The following PTPRR variants were observed in gnomAD, a reference collection of about 807,000 sequenced individuals.
PTPRR encodes the protein protein tyrosine phosphatase receptor type R.
Under a neutral mutation model 77.2 loss-of-function variants are expected in PTPRR, and 38 were observed. That is an observed-to-expected ratio of 0.49 (90% CI 0.38 to 0.65). The LOEUF (loss-of-function observed/expected upper bound fraction) is 0.65, where lower values mean the gene tolerates loss of function less well. Among genes scored for constraint, PTPRR ranks in the 30% least tolerant of loss-of-function variants. The pLI is 0.00. For missense variants in PTPRR, 744 were observed against 799.2 expected, an observed-to-expected ratio of 0.93 and a Z score of 0.83; for synonymous variants, 299 against 283.1, an observed-to-expected ratio of 1.06 and a Z score of -0.57.
At chr12:70,702,609 A>T (rs1391985948) in intron 6 of PTPRR, among the ~76,000 whole-genome samples, 1 of 152,190 alleles carries the variant, frequency 6.6e-6, no homozygotes, top group Non-Finnish European at 1.5e-5. Context: ...AAATCCATTA[A>T]CGAAAATCTA....
At chr12:70,779,876 A>T (rs2136996152) in intron 2 of PTPRR, among the ~76,000 whole-genome samples, 1 of 152,344 alleles carries the variant, frequency 6.6e-6, no homozygotes, top group South Asian at 2.1e-4. Context: ...AAAAACACAC[A>T]GAATTGATTT....
intron 2 of PTPRR, among the ~76,000 whole-genome samples, chr12:70,888,440 AT>A (rs1893279291): frequency 6.6e-6 from 1 of 151,980 alleles, no homozygotes; most frequent in South Asian, 2.1e-4. Context: ...CCATTTGTAA[AT>A]TTGCATGCAT....
intron 10 of PTPRR, among the ~76,000 whole-genome samples, chr12:70,678,092 G>A (rs536807964): frequency 3.7e-4 from 57 of 152,230 alleles, no homozygotes; most frequent in African/African-American, 1.2e-3. Flanking sequence ...CCAGGCTGGA[G>A]TACAGTGGCA....
intron 2 of PTPRR, among the ~76,000 whole-genome samples, chr12:70,863,873 T>C (rs936438620): frequency 1.3e-5 from 2 of 152,184 alleles, no homozygotes; most frequent in Non-Finnish European, 2.9e-5. Context: ...CTTGGTTGCC[T>C]GTGATCTTGA....
At chr12:70,640,495 C>A (rs1169243336) in intron 13 of PTPRR, among the ~76,000 whole-genome samples, 1 of 152,122 alleles carries the variant, frequency 6.6e-6, no homozygotes, top group Non-Finnish European at 1.5e-5. Context: ...TTTAGCTTGA[C>A]AAAGTTACCA....
At chr12:70,667,547 C>T (rs1887057379) in intron 10 of PTPRR, among the ~76,000 whole-genome samples, 1 of 152,146 alleles carries the variant, frequency 6.6e-6, no homozygotes, top group African/African-American at 2.4e-5. Context: ...TCTCCACCAA[C>T]ATGATGGCCC....
intron 2 of PTPRR, among the ~76,000 whole-genome samples, chr12:70,864,054 T>G (rs985291603): frequency 6.6e-6 from 1 of 152,176 alleles, no homozygotes; most frequent in Non-Finnish European, 1.5e-5. Context: ...GGTAATTTTG[T>G]AGACATCCAA....
At chr12:70,865,182 G>C (rs1422350330) in intron 2 of PTPRR, among the ~76,000 whole-genome samples, 2 of 152,062 alleles carry the variant, frequency 1.3e-5, no homozygotes, top group African/African-American at 4.8e-5. Context: ...CTGTCGCCAT[G>C]TAAGACGTGC....
rs578044865 is a variant in PTPRR, at chr12:70,680,078, C to T, written c.1497+4049G>A. On this transcript the variant is annotated intron_variant, in intron 10 of 13. Coordinates refer to ENST00000283228, the MANE Select transcript of PTPRR (RefSeq NM_002849.4). ...TGTAATTTTTTTCTTTGTGGTTATT[C>T]TGGGGCTTATGTAAAAAGAACTTAG... Among the ~76,000 whole-genome samples the T allele has an allele frequency of 2.3e-4, 35 of 151,818 alleles. 1 individual carries two copies. In the South Asian group the frequency reaches 7.3e-3, roughly 32 times the overall value.
intron 2 of PTPRR, among the ~76,000 whole-genome samples, chr12:70,848,462 A>C (rs1433367292): frequency 1.3e-5 from 2 of 152,100 alleles, no homozygotes; most frequent in Non-Finnish European, 2.9e-5. Context: ...CTATAGGTGC[A>C]TGCCACCATG....
intron 13 of PTPRR, among the ~76,000 whole-genome samples, chr12:70,656,358 C>T (rs932432754): frequency 2.6e-5 from 4 of 152,010 alleles, no homozygotes; most frequent in Non-Finnish European, 2.9e-5. Flanking sequence ...AACAAGACCC[C>T]ATCTCTACAA....
At chr12:70,697,422 A>C (rs1470329296) in intron 8 of PTPRR, among the ~76,000 whole-genome samples, 1 of 152,080 alleles carries the variant, frequency 6.6e-6, no homozygotes, top group African/African-American at 2.4e-5. Flanking sequence ...TTGTGTTTCT[A>C]TTATTGAGTT....
chr12:70,768,705 A>G (rs1890891351), intron 2 of PTPRR, among the ~76,000 whole-genome samples: 3 of 152,190 alleles, frequency 2.0e-5, no homozygotes, highest in Admixed American at 6.5e-5. Flanking sequence ...AGATACAACA[A>G]AAAAAGAGAA....
intron 2 of PTPRR, among the ~76,000 whole-genome samples, chr12:70,800,266 C>CTTTTTTTTTTTTTTT (rs754416357): frequency 6.9e-6 from 1 of 144,746 alleles, no homozygotes. Context: ...ACTGTTCTCT[C>CTTTTTTTTTTTTTTT]TCTTTTTTTT....
At chr12:70,838,582 A>G (rs148672937) in intron 2 of PTPRR, among the ~76,000 whole-genome samples, 1 of 152,296 alleles carries the variant, frequency 6.6e-6, no homozygotes, top group Non-Finnish European at 1.5e-5. Flanking sequence ...GGGAAAGAAC[A>G]CTTAAATTCA....
At chr12:70,692,854 T>C (rs1338514648) in intron 8 of PTPRR, among the ~76,000 whole-genome samples, 1 of 152,154 alleles carries the variant, frequency 6.6e-6, no homozygotes, top group East Asian at 1.9e-4. Context: ...AGTGCTTAAA[T>C]TTCTGCCTGC....
chr12:70,733,687 C>T (rs187801472), intron 6 of PTPRR, among the ~76,000 whole-genome samples: 5 of 151,660 alleles, frequency 3.3e-5, no homozygotes, highest in Admixed American at 3.3e-4. Context: ...TAAATGGGAA[C>T]GACACTTTAA....
chr12:70,651,571 C>A (rs1057237466), intron 13 of PTPRR, among the ~76,000 whole-genome samples: 1 of 152,268 alleles, frequency 6.6e-6, no homozygotes, highest in East Asian at 1.9e-4. Context: ...ATACTAAAAA[C>A]TGTTTTAAAA....
chr12:70,660,884 G>A lies in PTPRR; in HGVS notation c.1766+56C>T, dbSNP rs921792437. On this transcript the variant is annotated intron_variant, in intron 12 of 13. Transcript: ENST00000283228. ...AGCAAAACCCACTTGCACCTGCTCT[G>A]TGACTTTACAAAGAATGGGCCATTG... is the stretch of plus-strand genomic sequence containing the variant. 3.3e-6 allele frequency: 5 copies of A among 1,518,750 alleles called. No individual in the cohort carries two copies. In the African/African-American group the frequency reaches 4.2e-5, roughly 13 times the overall value. The allele number at this position is 1,518,750 out of a possible 1,614,324, so 94.1% of individuals were successfully genotyped here.
Sources: allele counts gnomAD v4.1 joint callset (sites outside exome capture counted in the v4.1 genomes callset), GRCh38; gene constraint gnomAD v4.1.1; transcripts MANE v1.5; gene names NCBI Gene and HGNC (gene_info 2026-07-23, HGNC 2026-07-21).